Variants in ELMO1 observed in about 807,000 individuals in gnomAD.
ELMO1 encodes engulfment and cell motility 1.
Under a neutral mutation model 98.9 loss-of-function variants are expected in ELMO1, and 26 were observed. The observed-to-expected ratio is 0.26, with a 90% CI of 0.19 to 0.36. The LOEUF (loss-of-function observed/expected upper bound fraction) is 0.36, where lower values mean the gene tolerates loss of function less well. Ranked by LOEUF, ELMO1 falls within the 10% of genes least tolerant of loss-of-function variation. The probability of loss-of-function intolerance (pLI) is 1.00; values close to 1 mark genes in which losing one functional copy is unlikely to be tolerated. For missense variants in ELMO1, 627 were observed against 935.2 expected, an observed-to-expected ratio of 0.67 and a Z score of 4.30; for synonymous variants, 346 against 346.0, an observed-to-expected ratio of 1.00 and a Z score of 0.00.
intron 14 of ELMO1, among the ~76,000 whole-genome samples, chr7:37,102,065 AG>A (rs1784676087): frequency 6.6e-6 from 1 of 152,186 alleles, no homozygotes; most frequent in African/African-American, 2.4e-5. Context: ...ATTCCAACAC[AG>A]GGTCAATGTC....
intron 13 of ELMO1, among the ~76,000 whole-genome samples, chr7:37,199,902 C>T (rs527434464): frequency 2.6e-5 from 4 of 152,254 alleles, no homozygotes; most frequent in South Asian, 2.1e-4. Context: ...AATGGCCCCA[C>T]GAGACCTTGA....
At chr7:37,106,812 T>C (rs1784972077) in intron 14 of ELMO1, among the ~76,000 whole-genome samples, 1 of 152,192 alleles carries the variant, frequency 6.6e-6, no homozygotes, top group African/African-American at 2.4e-5. Flanking sequence ...AAAGTTCACA[T>C]TGTAAATTAC....
At chr7:36,989,138 G>T (rs910898993) in intron 16 of ELMO1, among the ~76,000 whole-genome samples, 6 of 152,148 alleles carry the variant, frequency 3.9e-5, no homozygotes, top group African/African-American at 1.4e-4. Flanking sequence ...ATAATCCAGT[G>T]CATTCTAAGC....
At chr7:37,313,974 A>G (rs1289235486) in intron 4 of ELMO1, among the ~76,000 whole-genome samples, 1 of 152,242 alleles carries the variant, frequency 6.6e-6, no homozygotes, top group African/African-American at 2.4e-5. Context: ...TTATCAGTTT[A>G]GAAGACAAAA....
At chr7:37,198,778 C>A (rs1157485412) in intron 13 of ELMO1, among the ~76,000 whole-genome samples, 1 of 152,236 alleles carries the variant, frequency 6.6e-6, no homozygotes, top group African/African-American at 2.4e-5. Flanking sequence ...TTGCACAATA[C>A]ACTCAGGGAC....
chr7:36,855,861 G>C lies in ELMO1; in HGVS notation c.1984-110C>G. On this transcript the variant is annotated intron_variant, in intron 21 of 21. Transcript: ENST00000310758. This position sits in a 1 kb window ranked among gnomAD's most constrained non-coding sequence, Gnocchi z 4.2. ...ATCCCTCAGTAGGCTGTGCGCTAAG[G>C]GCTCTGCCTACTTCGTCATTTCATA... 2.4e-6 allele frequency: 3 copies of C among 1,236,246 alleles called. No individual in the cohort carries two copies. The highest frequency in any genetic ancestry group is 3.5e-6 in the Non-Finnish European group (3 of 868,594). 76.6% of individuals were successfully genotyped at this position (1,236,246 alleles called of 1,614,324 possible). A position where few individuals can be genotyped will look rare whatever the true frequency, so the allele number is the denominator to read the frequency against.
chr7:36,982,864 AT>A (rs938084588), intron 16 of ELMO1, among the ~76,000 whole-genome samples: 2 of 152,288 alleles, frequency 1.3e-5, no homozygotes. Flanking sequence ...GGAGTGGAGG[AT>A]TCACACACCC....
In ELMO1 at chr7:37,313,733, A is replaced by G. The variant is rs79912011; in HGVS notation, c.192+1117T>C. 3.4e-3 allele frequency among the ~76,000 whole-genome samples: 520 copies of G among 152,214 alleles called. 2 individuals carry two copies. Among genetic ancestry groups the G allele is most frequent in the African/African-American group, 0.012 (502 of 41,520 alleles). ...GCAAGGGAGTCCTAAGGGGAAGTAG[A>G]ACCCTTGTTACTGCCTCCACCTTCT... is the stretch of plus-strand genomic sequence containing the variant. On this transcript the variant is annotated intron_variant, in intron 4 of 21. Transcript: ENST00000310758.
At chr7:37,169,247 C>T (rs923026703) in intron 13 of ELMO1, among the ~76,000 whole-genome samples, 5 of 152,208 alleles carry the variant, frequency 3.3e-5, no homozygotes, top group Non-Finnish European at 7.3e-5. Context: ...GTCTGTCACC[C>T]CTTTCTTTGA....
chr7:37,236,838 A>C (rs1283373641), intron 7 of ELMO1, among the ~76,000 whole-genome samples: 1 of 152,174 alleles, frequency 6.6e-6, no homozygotes, highest in Non-Finnish European at 1.5e-5. Context: ...ATAGGTGTTT[A>C]TTTCCACTCC....
chr7:36,863,200 G>C (rs3807160), intron 20 of ELMO1, among the ~76,000 whole-genome samples: 32,210 of 152,046 alleles, frequency 0.21, 3,658 homozygotes, highest in East Asian at 0.32. Flanking sequence ...CTGAGTCGTG[G>C]AATGGGAGCT....
At position 36,854,743 on chromosome 7, in the gene ELMO1, G is replaced by C. The variant is rs1290533599; in HGVS notation, c.*808C>G. On this transcript the variant is annotated 3_prime_UTR_variant, in exon 22 of 22. Transcript: ENST00000310758. ...ATTTAGGTTTAGTCTATTAGAGATG[G>C]AGCGAGACTACTGATTTCACCATTT... 6.5e-6 allele frequency: 1 copy of C among 152,976 alleles called. No individual in the cohort carries two copies. Among genetic ancestry groups the C allele is most frequent in the Non-Finnish European group, 1.5e-5 (1 of 68,380 alleles). The allele number at this position is 152,976 out of a possible 1,614,324, so 9.5% of individuals were successfully genotyped here. A position where few individuals can be genotyped will look rare whatever the true frequency, so the allele number is the denominator to read the frequency against.
intron 1 of ELMO1, among the ~76,000 whole-genome samples, chr7:37,354,044 C>A (rs1801395678): frequency 6.6e-6 from 1 of 152,212 alleles, no homozygotes; most frequent in Non-Finnish European, 1.5e-5. Flanking sequence ...GACCTCACGG[C>A]CTCCCGTGCT....
At chr7:37,075,648 G>A (rs1482103082) in intron 15 of ELMO1, among the ~76,000 whole-genome samples, 1 of 152,034 alleles carries the variant, frequency 6.6e-6, no homozygotes, top group Non-Finnish European at 1.5e-5. Context: ...CTTCTTATAT[G>A]CACATAGGAA....
chr7:37,213,124 T>A (rs1426875097), intron 12 of ELMO1, among the ~76,000 whole-genome samples: 1 of 152,150 alleles, frequency 6.6e-6, no homozygotes, highest in African/African-American at 2.4e-5. Context: ...AGAACATGCA[T>A]GTTTGGAGCC....
At chr7:37,161,378 C>T (rs1789190376) in intron 13 of ELMO1, among the ~76,000 whole-genome samples, 1 of 152,146 alleles carries the variant, frequency 6.6e-6, no homozygotes, top group East Asian at 1.9e-4. Context: ...CTTAAGGGGC[C>T]TCCTTCCTGA....
intron 13 of ELMO1, among the ~76,000 whole-genome samples, chr7:37,183,553 C>T (rs1012173638): frequency 1.8e-5 from 1 of 56,788 alleles, no homozygotes; most frequent in Non-Finnish European, 3.7e-5. Context: ...TTACTCAGGA[C>T]CCAGAAGAGA....
At chr7:37,013,523 A>T in intron 15 of ELMO1, 88 bp from the exon 16 acceptor site, 1 of 1,465,378 alleles carries the variant, frequency 6.8e-7, no homozygotes, top group East Asian at 2.4e-5. Flanking sequence ...CCAAAGGGAG[A>T]CAAGCGGAGG....
At chr7:37,150,157 G>A (rs1788259946) in intron 13 of ELMO1, among the ~76,000 whole-genome samples, 1 of 152,030 alleles carries the variant, frequency 6.6e-6, no homozygotes, top group East Asian at 1.9e-4. Flanking sequence ...ATCTAATTTT[G>A]ACATGCTAGG....
Sources: allele counts gnomAD v4.1 joint callset (sites outside exome capture counted in the v4.1 genomes callset), GRCh38; gene constraint gnomAD v4.1.1; non-coding constraint Gnocchi (gnomAD v3.1); transcripts MANE v1.5; gene names NCBI Gene and HGNC (gene_info 2026-07-23, HGNC 2026-07-21).